Variants in MAST2 observed in about 807,000 individuals in gnomAD.
MAST2 encodes the protein microtubule associated serine/threonine kinase 2.
Under a neutral mutation model 147.4 loss-of-function variants are expected in MAST2, and 70 were observed. The ratio of observed to expected loss-of-function variants is 0.47; its 90% CI spans 0.39 to 0.58. MAST2 has a LOEUF of 0.58. Among genes scored for constraint, MAST2 ranks in the 20% least tolerant of loss-of-function variants. The probability of loss-of-function intolerance (pLI) is 0.00; values close to 1 mark genes in which losing one functional copy is unlikely to be tolerated. For synonymous variants in MAST2, 869 were observed against 896.8 expected (o/e 0.97, Z 0.55); for missense variants, 2,080 against 2,302.3 (o/e 0.90, Z 1.98).
At chr1:45,973,914 G>T (rs1644028805) in intron 5 of MAST2, among the ~76,000 whole-genome samples, 1 of 152,164 alleles carries the variant, frequency 6.6e-6, no homozygotes, top group Non-Finnish European at 1.5e-5. Flanking sequence ...AACCTAATTG[G>T]TGAGTCAAGA....
At chr1:45,838,996 C>T (rs1645189738) in intron 3 of MAST2, among the ~76,000 whole-genome samples, 2 of 151,558 alleles carry the variant, frequency 1.3e-5, no homozygotes, top group South Asian at 2.1e-4. Flanking sequence ...TCCTTTGAGA[C>T]AGGGTCTCAC....
chr1:46,003,600 A>C (rs1330885820), intron 7 of MAST2, among the ~76,000 whole-genome samples: 1 of 151,874 alleles, frequency 6.6e-6, no homozygotes, highest in Non-Finnish European at 1.5e-5. Flanking sequence ...TCCTAAGTAG[A>C]CTGGGACTGC....
At chr1:45,948,934 A>G (rs924640405) in intron 4 of MAST2, among the ~76,000 whole-genome samples, 23 of 152,082 alleles carry the variant, frequency 1.5e-4, no homozygotes, top group Non-Finnish European at 3.2e-4. Flanking sequence ...CCACACACCT[A>G]TGATAACCTG....
chr1:46,033,724 C>T, intron 26 of MAST2, 78 bp from the exon 27 acceptor site: 1 of 1,566,416 alleles, frequency 6.4e-7, no homozygotes, highest in Non-Finnish European at 8.7e-7. Flanking sequence ...ATAGCCATGC[C>T]AGAAGGGAAG....
At chr1:45,967,779 C>T (rs2148966790) in intron 5 of MAST2, among the ~76,000 whole-genome samples, 1 of 152,240 alleles carries the variant, frequency 6.6e-6, no homozygotes, top group African/African-American at 2.4e-5. Flanking sequence ...CTGTGTTGTT[C>T]AAAGGTCCAC....
intron 1 of MAST2, among the ~76,000 whole-genome samples, chr1:45,816,787 C>T (rs1016880226): frequency 5.9e-5 from 9 of 152,188 alleles, no homozygotes; most frequent in African/African-American, 9.6e-5. Context: ...AAGCGATTCT[C>T]CTGGCTCAGC....
chr1:45,881,954 A>G (rs902725561), intron 3 of MAST2, among the ~76,000 whole-genome samples: 1 of 144,608 alleles, frequency 6.9e-6, no homozygotes. Context: ...AGGCGGGCGG[A>G]TCACGAGGTC....
intron 3 of MAST2, among the ~76,000 whole-genome samples, chr1:45,833,253 T>G (rs1305652869): frequency 6.6e-6 from 1 of 152,222 alleles, no homozygotes; most frequent in Non-Finnish European, 1.5e-5. Context: ...TGAGGGCTTA[T>G]TTTTCCCATA....
intron 5 of MAST2, among the ~76,000 whole-genome samples, chr1:45,978,116 G>A (rs1284790845): frequency 1.3e-5 from 2 of 152,140 alleles, no homozygotes; most frequent in African/African-American, 4.8e-5. Flanking sequence ...TAAAAAGATA[G>A]TATGATTGAA....
chr1:45,970,127 G>A (rs1031754279), intron 5 of MAST2, among the ~76,000 whole-genome samples: 25 of 152,286 alleles, frequency 1.6e-4, no homozygotes, highest in Admixed American at 4.6e-4. Flanking sequence ...GCTCCGGCGC[G>A]TATCAAAACA....
intron 4 of MAST2, among the ~76,000 whole-genome samples, chr1:45,888,427 A>T (rs915899869): frequency 2.0e-5 from 3 of 151,988 alleles, no homozygotes; most frequent in African/African-American, 7.3e-5. Context: ...CAGTGGCGCC[A>T]TCTGGGCTCA....
chr1:45,887,189 T>G (rs2148354636), intron 4 of MAST2, among the ~76,000 whole-genome samples: 1 of 152,360 alleles, frequency 6.6e-6, no homozygotes, highest in South Asian at 2.1e-4. Context: ...GGGAGCTTAA[T>G]GTAAATAATG....
chr1:46,003,183 C>T (rs1645344522), intron 7 of MAST2, among the ~76,000 whole-genome samples: 1 of 152,160 alleles, frequency 6.6e-6, no homozygotes, highest in Non-Finnish European at 1.5e-5. Context: ...TATGGGGACT[C>T]CTAAGCACAC....
At chr1:45,887,560 A>G (rs2148357720) in intron 4 of MAST2, among the ~76,000 whole-genome samples, 1 of 152,258 alleles carries the variant, frequency 6.6e-6, no homozygotes, top group South Asian at 2.1e-4. Flanking sequence ...GGCAGGGAGG[A>G]GTTCCTGGGC....
intron 4 of MAST2, among the ~76,000 whole-genome samples, chr1:45,923,935 G>C (rs1463934937): frequency 6.6e-6 from 1 of 152,098 alleles, no homozygotes; most frequent in Non-Finnish European, 1.5e-5. Flanking sequence ...GCAGTAGCAT[G>C]ATCTCGGCTT....
Position 45,949,349 on chromosome 1 carries a change from A to G in MAST2, c.501-10037A>G, listed in dbSNP as rs148258305. 7.6e-3 allele frequency among the ~76,000 whole-genome samples: 1,155 copies of G among 152,354 alleles called. 7 individuals carry two copies. The highest frequency in any genetic ancestry group is 0.051 in the Middle Eastern group (15 of 294). The stretch of plus-strand genomic sequence containing the variant: ...GACAAAGGTCTAATATTCAGCATCT[A>G]TAAGGAACTTAAACAAATTTACAGG... On this transcript the variant is annotated intron_variant, in intron 4 of 28. Transcript: ENST00000361297.
At chr1:45,981,165 A>G (rs1326224578) in intron 5 of MAST2, among the ~76,000 whole-genome samples, 1 of 151,706 alleles carries the variant, frequency 6.6e-6, no homozygotes, top group Non-Finnish European at 1.5e-5. Context: ...TCTGCCTCCC[A>G]TGTTCAAATG....
At chr1:45,826,432 AAC>A (rs1386392462) in intron 2 of MAST2, among the ~76,000 whole-genome samples, 2 of 152,104 alleles carry the variant, frequency 1.3e-5, no homozygotes, top group Non-Finnish European at 2.9e-5. Flanking sequence ...AGCTCACTGC[AAC>A]CTCTGCCTTC....
chr1:45,996,143 C>T (rs1022753972), intron 5 of MAST2, among the ~76,000 whole-genome samples: 3 of 151,580 alleles, frequency 2.0e-5, no homozygotes, highest in African/African-American at 7.3e-5. Flanking sequence ...TTATGTAACC[C>T]TAGCTGTACT....
Sources: gnomAD v4.1 joint callset for allele counts (sites outside exome capture counted in the v4.1 genomes callset) on GRCh38, gnomAD v4.1.1 for gene constraint, MANE v1.5 for transcripts, NCBI Gene and HGNC (gene_info 2026-07-23, HGNC 2026-07-21) for gene names.